Variants in CLPB observed in about 807,000 individuals in gnomAD.
CLPB encodes mitochondrial disaggregase.
CLPB carries 40 observed loss-of-function variants against 78.4 expected under a neutral mutation model. The ratio of observed to expected loss-of-function variants is 0.51; its 90% CI spans 0.40 to 0.66. The LOEUF is 0.66. Ranked by LOEUF, CLPB falls within the 30% of genes least tolerant of loss-of-function variation. CLPB has a pLI of 0.00. For synonymous variants in CLPB, 333 were observed against 348.0 expected (o/e 0.96, Z 0.48); for missense variants, 780 against 886.9 (o/e 0.88, Z 1.53).
chr11:72,413,129 A>T (rs1489058088), intron 2 of CLPB, among the ~76,000 whole-genome samples: 1 of 152,060 alleles, frequency 6.6e-6, no homozygotes, highest in African/African-American at 2.4e-5. Flanking sequence ...TCTCTACTAA[A>T]AAATACAAAA....
chr11:72,301,772 C>T, intron 11 of CLPB, 31 bp downstream of exon 11: 1 of 1,605,674 alleles, frequency 6.2e-7, no homozygotes, highest in East Asian at 2.2e-5. Context: ...CCAGGTGTCC[C>T]CCCGCTCCAT....
At chr11:72,396,778 T>C (rs911140874) in intron 3 of CLPB, among the ~76,000 whole-genome samples, 3 of 152,088 alleles carry the variant, frequency 2.0e-5, no homozygotes, top group African/African-American at 7.2e-5. Flanking sequence ...CAATAAGAAT[T>C]CAAAACATTC....
At chr11:72,356,991 G>C (rs1316980607) in intron 5 of CLPB, 1 of 152,232 alleles carries the variant, frequency 6.6e-6, no homozygotes, top group Admixed American at 6.5e-5. Context: ...AAAGGAAGAA[G>C]CTTTCTGCTT....
At chr11:72,348,514 C>T (rs7943218) in intron 5 of CLPB, among the ~76,000 whole-genome samples, 2,803 of 152,140 alleles carry the variant, frequency 0.018, 91 homozygotes, top group African/African-American at 0.064. Context: ...ACCTGAAAAG[C>T]TTCCTTCCTT....
In CLPB at chr11:72,401,448, T is replaced by A. The variant is rs184965499; in HGVS notation, c.542+1518A>T. On this transcript the variant is annotated intron_variant, in intron 3 of 15. Transcript: ENST00000538039. ...AGAGTGAGACTCCGTCTCAAAAAAA[T>A]AAATAAATAAATAGTAAAAGAAAAA... 2.8e-3 allele frequency among the ~76,000 whole-genome samples: 417 copies of A among 151,428 alleles called. 4 individuals carry two copies. The highest frequency in any genetic ancestry group is 8.7e-3 in the African/African-American group (357 of 41,214).
rs1339389161 is a variant in CLPB at position 72,287,589 on chromosome 11, A to T, written c.*5778T>A. 6.6e-6 allele frequency: 1 copy of T among 152,246 alleles called. No homozygotes were observed. 9.4% of individuals were successfully genotyped at this position (152,246 alleles called of 1,614,324 possible). A position where few individuals can be genotyped will look rare whatever the true frequency, so the allele number is the denominator to read the frequency against. On this transcript the variant is annotated 3_prime_UTR_variant, in exon 16 of 16. Coordinates refer to ENST00000538039, the MANE Select transcript of CLPB (RefSeq NM_001258392.3). ...TGGCCTTCCAAAGTGCTAGGATTACAGGTGTGGGCCACCACCATGCCTGGC... is the reference window on the plus strand; with the variant it reads ...TGGCCTTCCAAAGTGCTAGGATTACTGGTGTGGGCCACCACCATGCCTGGC...
intron 6 of CLPB, among the ~76,000 whole-genome samples, chr11:72,324,244 A>G (rs1195347907): frequency 6.6e-6 from 1 of 152,124 alleles, no homozygotes; most frequent in Admixed American, 6.5e-5. Flanking sequence ...TGTATCTTAT[A>G]CAAGTATATT....
At chr11:72,424,290 T>A (rs1254608221) in intron 2 of CLPB, among the ~76,000 whole-genome samples, 1 of 152,252 alleles carries the variant, frequency 6.6e-6, no homozygotes, top group Non-Finnish European at 1.5e-5. Flanking sequence ...CCTTGCCCCA[T>A]GCCTGGGGGC....
intron 7 of CLPB, among the ~76,000 whole-genome samples, chr11:72,310,301 T>TGG (rs1022119823): frequency 2.0e-5 from 3 of 152,136 alleles, no homozygotes; most frequent in Non-Finnish European, 2.9e-5. Context: ...GCCCAGAAAA[T>TGG]GCTCCCTGAG....
At chr11:72,413,058 G>A (rs1855922349) in intron 2 of CLPB, among the ~76,000 whole-genome samples, 1 of 152,114 alleles carries the variant, frequency 6.6e-6, no homozygotes, top group Non-Finnish European at 1.5e-5. Flanking sequence ...GGAGGCCAAG[G>A]CAGGCGAGTC....
intron 2 of CLPB, among the ~76,000 whole-genome samples, chr11:72,426,538 A>C (rs115730224): frequency 0.011 from 1,598 of 143,222 alleles, 24 homozygotes; most frequent in African/African-American, 0.039. Flanking sequence ...TGGATGTCAC[A>C]CAGGAAGGGA....
intron 2 of CLPB, among the ~76,000 whole-genome samples, chr11:72,420,416 C>T (rs902347087): frequency 6.0e-5 from 9 of 150,832 alleles, no homozygotes; most frequent in African/African-American, 1.7e-4. Context: ...ATGGCTTGAA[C>T]CCAGGAGGCA....
Position 72,413,277 on chromosome 11 carries a change from G to A in CLPB, c.456-10225C>T, listed in dbSNP as rs1855930221. 2.7e-5 allele frequency among the ~76,000 whole-genome samples: 4 copies of A among 149,602 alleles called. No homozygotes were observed. In the South Asian group the frequency reaches 6.3e-4, roughly 24 times the overall value. ...GCACTCCAGCCTGGGCAACCAAAGC[G>A]AAAATCCGTCTCGAAAAAAAAAAAC... On this transcript the variant is annotated intron_variant, in intron 2 of 15. Coordinates refer to ENST00000538039, the MANE Select transcript of CLPB (RefSeq NM_001258392.3).
At chr11:72,340,620 C>A (rs887782693) in intron 5 of CLPB, among the ~76,000 whole-genome samples, 1 of 152,154 alleles carries the variant, frequency 6.6e-6, no homozygotes, top group Non-Finnish European at 1.5e-5. Flanking sequence ...AACCAAGCAA[C>A]CAACCAACAT....
At chr11:72,310,767 G>A (rs1421767799) in intron 7 of CLPB, among the ~76,000 whole-genome samples, 1 of 152,134 alleles carries the variant, frequency 6.6e-6, no homozygotes, top group Non-Finnish European at 1.5e-5. Flanking sequence ...CCCCCTACGT[G>A]GGTTCTGCAG....
At chr11:72,336,401 G>A (rs547997392) in intron 5 of CLPB, among the ~76,000 whole-genome samples, 1 of 152,294 alleles carries the variant, frequency 6.6e-6, no homozygotes, top group Admixed American at 6.5e-5. Flanking sequence ...CCCTCTGAGA[G>A]CACTGGGCTG....
intron 2 of CLPB, among the ~76,000 whole-genome samples, chr11:72,418,259 T>C (rs1307240263): frequency 1.3e-5 from 2 of 152,164 alleles, no homozygotes; most frequent in East Asian, 1.9e-4. Context: ...TGTGACTTAC[T>C]ACGGTGAAGG....
At chr11:72,307,689 G>A in intron 8 of CLPB, among the ~76,000 whole-genome samples, 1 of 152,184 alleles carries the variant, frequency 6.6e-6, no homozygotes, top group Non-Finnish European at 1.5e-5. Context: ...GGGTGGGAGG[G>A]GCTGAAGAGT....
At chr11:72,417,001 A>G (rs933463248) in intron 2 of CLPB, among the ~76,000 whole-genome samples, 2 of 152,170 alleles carry the variant, frequency 1.3e-5, no homozygotes, top group African/African-American at 4.8e-5. Context: ...CACCCTGGAA[A>G]ATGGTTGGGC....
Sources: allele counts gnomAD v4.1 joint callset (sites outside exome capture counted in the v4.1 genomes callset), GRCh38; gene constraint gnomAD v4.1.1; transcripts MANE v1.5; gene names NCBI Gene and HGNC (gene_info 2026-07-23, HGNC 2026-07-21).